AFF1: variants seen among roughly 807,000 people sequenced by gnomAD.
The protein encoded by AFF1 is ALF transcription elongation factor 1, also known as AF4/FMR2 family member 1.
A neutral mutation model predicts 121.7 loss-of-function variants in AFF1; 48 were observed. The ratio of observed to expected loss-of-function variants is 0.39; its 90% CI spans 0.31 to 0.50. The LOEUF is 0.50. Ranked by LOEUF, AFF1 falls within the 20% of genes least tolerant of loss-of-function variation. AFF1 has a pLI of 0.76. For missense variants in AFF1, 1,523 were observed against 1,511.7 expected, an observed-to-expected ratio of 1.01 and a Z score of -0.12; for synonymous variants, 613 against 563.0, an observed-to-expected ratio of 1.09 and a Z score of -1.26.
chr4:87,003,195 G>T (rs531051584), intron 2 of AFF1, among the ~76,000 whole-genome samples: 2 of 152,256 alleles, frequency 1.3e-5, no homozygotes, highest in East Asian at 3.9e-4. Context: ...AATCTCAGGT[G>T]TAATTCTAAT....
At chr4:87,096,390 CTTTTTTT>C (rs11301562) in intron 8 of AFF1, among the ~76,000 whole-genome samples, 2 of 68,298 alleles carry the variant, frequency 2.9e-5, no homozygotes, top group African/African-American at 6.1e-5. Context: ...ACACACCCGG[CTTTTTTT>C]TTTTTTTTTT....
chr4:87,094,479 A>C (rs900578711), intron 7 of AFF1, among the ~76,000 whole-genome samples: 2 of 152,204 alleles, frequency 1.3e-5, no homozygotes, highest in African/African-American at 4.8e-5. Flanking sequence ...TGGGGAGTTG[A>C]ATAATGAAGG....
chr4:86,970,021 T>C (rs1722832557), intron 2 of AFF1, among the ~76,000 whole-genome samples: 1 of 152,062 alleles, frequency 6.6e-6, no homozygotes, highest in South Asian at 2.1e-4. Flanking sequence ...ATAAACACAT[T>C]CATAGAACAG....
At chr4:87,039,480 G>A (rs150978577) in intron 2 of AFF1, among the ~76,000 whole-genome samples, 2 of 152,344 alleles carry the variant, frequency 1.3e-5, no homozygotes, top group African/African-American at 4.8e-5. Context: ...CTTGTGCTGA[G>A]TTAGTGGATT....
intron 2 of AFF1, among the ~76,000 whole-genome samples, chr4:86,997,635 G>A (rs997656836): frequency 3.3e-5 from 5 of 151,858 alleles, no homozygotes; most frequent in African/African-American, 9.7e-5. Flanking sequence ...GGTGACGGGC[G>A]CCTGTAGTCC....
intron 2 of AFF1, among the ~76,000 whole-genome samples, chr4:87,031,992 G>A (rs1264103789): frequency 6.6e-6 from 1 of 152,214 alleles, no homozygotes; most frequent in Non-Finnish European, 1.5e-5. Context: ...CCTATTGGTA[G>A]TGATGGTGAA....
rs1369689185 is a variant in AFF1 at position 87,022,622 on chromosome 4, GTA to G, written c.39-23536_39-23535del. ...TCTGTGTGTATATATATCTGTGTGT[GTA>G]TATATATGTGCGTGTATATATGTGT... On this transcript the variant is annotated intron_variant, in intron 2 of 20. Coordinates refer to ENST00000395146, the MANE Select transcript of AFF1 (RefSeq NM_001166693.3). Among the ~76,000 whole-genome samples, 506 of 121,906 alleles carry G rather than the reference GTA, an allele frequency of 4.2e-3. 3 individuals are homozygous for G. Among genetic ancestry groups the G allele is most frequent in the Non-Finnish European group, 6.9e-3 (371 of 54,088 alleles). 80.0% of individuals were successfully genotyped at this position (121,906 alleles called of 152,430 possible). A position where few individuals can be genotyped will look rare whatever the true frequency, so the allele number is the denominator to read the frequency against.
At chr4:87,123,683 G>GC (rs1727942418) in intron 12 of AFF1, among the ~76,000 whole-genome samples, 1 of 151,930 alleles carries the variant, frequency 6.6e-6, no homozygotes, top group South Asian at 2.1e-4. Flanking sequence ...AGGGAATTTT[G>GC]TTTTTTTTCT....
intron 4 of AFF1, among the ~76,000 whole-genome samples, chr4:87,075,734 T>A (rs1261766347): frequency 6.6e-6 from 1 of 152,186 alleles, no homozygotes; most frequent in African/African-American, 2.4e-5. Context: ...AGATAATACT[T>A]CTTTAAAATT....
At chr4:87,113,807 A>G (rs972559849) in intron 11 of AFF1, among the ~76,000 whole-genome samples, 2 of 152,328 alleles carry the variant, frequency 1.3e-5, no homozygotes, top group South Asian at 2.1e-4. Context: ...TTGAGGCTGC[A>G]GTGAGCTATT....
At chr4:86,981,114 G>T (rs34709431) in intron 2 of AFF1, among the ~76,000 whole-genome samples, 1 of 152,052 alleles carries the variant, frequency 6.6e-6, no homozygotes, top group African/African-American at 2.4e-5. Flanking sequence ...CCAGGTTCAC[G>T]CCACTCTCCT....
chr4:87,135,900 T>A lies in AFF1; in HGVS notation c.*199T>A. ...CACTGTGGTTATGCAGAAGCAGAGATGAGGAGGCTGGCCCCAGAGATGATC... is the reference window on the plus strand; with the variant it reads ...CACTGTGGTTATGCAGAAGCAGAGAAGAGGAGGCTGGCCCCAGAGATGATC... On this transcript the variant is annotated 3_prime_UTR_variant, in exon 21 of 21. Coordinates refer to ENST00000395146, the MANE Select transcript of AFF1 (RefSeq NM_001166693.3). 1.2e-6 allele frequency: 1 copy of A among 826,590 alleles called. No individual in the cohort carries two copies. Among genetic ancestry groups the A allele is most frequent in the Non-Finnish European group, 1.7e-6 (1 of 591,194 alleles). The allele number at this position is 826,590 out of a possible 1,614,324, so 51.2% of individuals were successfully genotyped here.
At chr4:87,078,501 T>C (rs1722882646) in intron 4 of AFF1, among the ~76,000 whole-genome samples, 1 of 152,136 alleles carries the variant, frequency 6.6e-6, no homozygotes, top group African/African-American at 2.4e-5. Flanking sequence ...ACAGAGAATG[T>C]ACGGATAGTT....
chr4:86,972,700 G>C (rs1372368172), intron 2 of AFF1, among the ~76,000 whole-genome samples: 1 of 151,928 alleles, frequency 6.6e-6, no homozygotes, highest in Non-Finnish European at 1.5e-5. Context: ...ACTACACCCA[G>C]CTAATTTTTT....
rs180954817 is a variant in AFF1 at position 87,090,823 on chromosome 4, G to T, written c.1191+753G>T. Among the ~76,000 whole-genome samples the T allele has an allele frequency of 2.9e-3, 446 of 151,846 alleles. 6 individuals are homozygous for T. The highest frequency in any genetic ancestry group is 0.01 in the African/African-American group (417 of 41,412). ...GAGTCCAGGAGTTTAAGACCAGCCT[G>T]GGCAATGTGGCAAAACTTTGTCTCT... is the stretch of plus-strand genomic sequence containing the variant. On this transcript the variant is annotated intron_variant, in intron 6 of 20. Transcript: ENST00000395146.
In AFF1 at chr4:87,127,679, G is replaced by C. The variant is rs577407066; in HGVS notation, c.2940G>C (p.Lys980Asn). 1.2e-6 allele frequency: 2 copies of C among 1,614,208 alleles called. No individual in the cohort carries two copies. Among genetic ancestry groups the C allele is most frequent in the South Asian group, 1.1e-5 (1 of 91,084 alleles). Residue 980 changes from lysine to asparagine, a missense_variant, in exon 16 of 21, where the codon AAG (lysine) becomes AAC (asparagine). Transcript: ENST00000395146. ...QADLHMREAK[K>N]MKQKAELMTD... ...ACCTTCACATGAGGGAGGCAAAAAA[G>C]ATGAAGCAGAAAGCAGAGTTAATGG... is the stretch of plus-strand genomic sequence containing the variant.
Position 87,023,197 on chromosome 4 carries a change from A to G in AFF1, c.39-22969A>G, listed in dbSNP as rs114625426. The stretch of plus-strand genomic sequence containing the variant: ...ATTAAAGGTGTAAGCCACTGTGCCC[A>G]GCAGACTGAAATCATTTTATAACTG... On this transcript the variant is annotated intron_variant, in intron 2 of 20. Transcript: ENST00000395146. 4.6e-3 allele frequency among the ~76,000 whole-genome samples: 701 copies of G among 152,286 alleles called. 8 individuals carry two copies. The highest frequency in any genetic ancestry group is 0.016 in the African/African-American group (674 of 41,554).
chr4:87,050,360 A>C (rs1405125988), intron 4 of AFF1, among the ~76,000 whole-genome samples: 1 of 151,924 alleles, frequency 6.6e-6, no homozygotes, highest in Non-Finnish European at 1.5e-5. Flanking sequence ...GGTTTGTTTC[A>C]TTTCTCCCCT....
intron 2 of AFF1, among the ~76,000 whole-genome samples, chr4:87,026,206 A>AAAAT (rs1187121619): frequency 6.6e-6 from 1 of 152,144 alleles, no homozygotes; most frequent in East Asian, 1.9e-4. Context: ...ACTCTGTCTC[A>AAAAT]AAATAAATAA....
Sources: allele counts gnomAD v4.1 joint callset (sites outside exome capture counted in the v4.1 genomes callset), GRCh38; gene constraint gnomAD v4.1.1; transcripts MANE v1.5; gene names NCBI Gene and HGNC (gene_info 2026-07-23, HGNC 2026-07-21).